The following POSTN variants were observed in gnomAD, a reference collection of about 807,000 sequenced individuals.
POSTN encodes osteoblast specific factor 2 (fasciclin I-like).
Under a neutral mutation model 104.5 loss-of-function variants are expected in POSTN, and 71 were observed. That is an observed-to-expected ratio of 0.68 (90% CI 0.56 to 0.83). The LOEUF (loss-of-function observed/expected upper bound fraction) is 0.83, where lower values mean the gene tolerates loss of function less well. Among genes scored for constraint, POSTN ranks in the 40% least tolerant of loss-of-function variants. The pLI is 0.00. For synonymous variants in POSTN, 355 were observed against 340.7 expected (o/e 1.04, Z -0.46); for missense variants, 949 against 1,006.8 (o/e 0.94, Z 0.78).
chr13:37,582,123 T>A (rs1425938877), intron 10 of POSTN, among the ~76,000 whole-genome samples: 2 of 152,224 alleles, frequency 1.3e-5, no homozygotes, highest in Admixed American at 1.3e-4. Context: ...AAATAATTGA[T>A]GCTCTAGAAT....
In POSTN at chr13:37,563,915, A is replaced by T. The variant is rs1365849756; in HGVS notation, c.2474-545T>A. On this transcript the variant is annotated intron_variant, in intron 22 of 22. Coordinates refer to ENST00000379747, the MANE Select transcript of POSTN (RefSeq NM_006475.3). ...TGCACATAGTGTAATTATGAAATAA[A>T]TTGTAATGCACATGTGATATATACA... Among the ~76,000 whole-genome samples, 9 of 152,036 alleles carry T rather than the reference A, an allele frequency of 5.9e-5. No homozygotes were observed. The East Asian group carries it at 1.7e-3, about 29-fold the overall frequency.
intron 17 of POSTN, 33 bp downstream of exon 17, chr13:37,574,539 A>G (rs780276994): frequency 2.6e-6 from 4 of 1,561,824 alleles, no homozygotes; most frequent in African/African-American, 2.8e-5. Context: ...TGTTTTTACT[A>G]TAAAAGGAAC....
chr13:37,594,295 A>T (rs1013055675), intron 2 of POSTN, among the ~76,000 whole-genome samples: 1 of 152,188 alleles, frequency 6.6e-6, no homozygotes, highest in African/African-American at 2.4e-5. Context: ...TTAACAAAAA[A>T]TTATTATTAG....
At chr13:37,570,298 T>C (rs527322098) in intron 19 of POSTN, among the ~76,000 whole-genome samples, 79 of 151,872 alleles carry the variant, frequency 5.2e-4, no homozygotes, top group Admixed American at 1.4e-3. Context: ...TAACAAACAG[T>C]AAAGTGAAAA....
intron 2 of POSTN, among the ~76,000 whole-genome samples, chr13:37,596,970 A>G (rs2138418735): frequency 6.8e-6 from 1 of 148,092 alleles, no homozygotes; most frequent in African/African-American, 2.4e-5. Flanking sequence ...TCCATGTCAC[A>G]TGGATTCAGG....
intron 8 of POSTN, 79 bp downstream of exon 8, chr13:37,584,637 G>T: frequency 8.5e-7 from 1 of 1,181,122 alleles, no homozygotes; most frequent in Admixed American, 2.1e-5. Flanking sequence ...ATTTTTCATG[G>T]ACTTACTCTT....
At position 37,586,907 on chromosome 13, in the gene POSTN, G is replaced by A; in HGVS notation, c.628C>T (p.Arg210Ter). The change falls in exon 6 of 23, where the codon CGA becomes TGA. Residue 210 changes from arginine to a stop codon, truncating the protein, a stop_gained. Coordinates refer to ENST00000379747, the MANE Select transcript of POSTN (RefSeq NM_006475.3). LOFTEE classifies it high-confidence loss of function. The part of the protein sequence containing the change: ...PNGVVTVNCA[R>*]IIHGNQIATN... ...GCAATCTGGTTCCCATGGATGATTC[G>A]AGCACAATTAACAGTGACAACCTAT... is the stretch of plus-strand genomic sequence containing the variant. 2.5e-6 allele frequency: 4 copies of A among 1,613,204 alleles called. No homozygotes were observed. The highest frequency in any genetic ancestry group is 2.2e-5 in the East Asian group (1 of 44,812).
chr13:37,566,051 C>A (rs1262691573), intron 21 of POSTN, among the ~76,000 whole-genome samples: 1 of 152,088 alleles, frequency 6.6e-6, no homozygotes, highest in Non-Finnish European at 1.5e-5. Flanking sequence ...TTGATAGCAT[C>A]CAATTAATGA....
chr13:37,574,516 G>A, intron 17 of POSTN, 56 bp downstream of exon 17: 2 of 1,528,650 alleles, frequency 1.3e-6, no homozygotes, highest in East Asian at 2.4e-5. Context: ...ATAGAGATCA[G>A]TATTTTTACA....
intron 5 of POSTN, 71 bp downstream of exon 5, chr13:37,587,751 T>C: frequency 8.4e-7 from 1 of 1,189,488 alleles, no homozygotes; most frequent in Non-Finnish European, 1.2e-6. Context: ...TTTGTGAGCA[T>C]TATATAAAAA....
chr13:37,563,315 T>C lies in POSTN; in HGVS notation c.*18A>G, dbSNP rs1949985531. 6.4e-7 allele frequency: 1 copy of C among 1,567,422 alleles called. No homozygotes were observed. The highest frequency in any genetic ancestry group is 8.8e-7 in the Non-Finnish European group (1 of 1,142,708). Reference sequence around the variant, plus strand: ...TGACTTAGGGTTGTATAAACATTTTTTTCTGGTTTTTGGATTTTCACTGAG... The same window carrying C: ...TGACTTAGGGTTGTATAAACATTTTCTTCTGGTTTTTGGATTTTCACTGAG... On this transcript the variant is annotated 3_prime_UTR_variant, in exon 23 of 23. Transcript: ENST00000379747.
rs959181368 is a variant in POSTN, at chr13:37,579,413, A to T, written c.1661-54T>A. 1.8e-5 allele frequency: 25 copies of T among 1,386,116 alleles called. No homozygotes were observed. The Admixed American group carries it at 5.1e-4, about 28-fold the overall frequency. The allele number at this position is 1,386,116 out of a possible 1,614,324, so 85.9% of individuals were successfully genotyped here. On this transcript the variant is annotated intron_variant, in intron 12 of 22. Coordinates refer to ENST00000379747, the MANE Select transcript of POSTN (RefSeq NM_006475.3). ...TGAATAATATGACTTTTTGATAAGG[A>T]CTAAGAAACAAAACACTTATTAGTC...
intron 2 of POSTN, among the ~76,000 whole-genome samples, chr13:37,592,645 G>A (rs773222878): frequency 5.3e-5 from 8 of 152,102 alleles, no homozygotes; most frequent in Non-Finnish European, 1.0e-4. Context: ...ACAGTCTCAT[G>A]TTACTATAGA....
At chr13:37,595,519 G>A (rs1951059213) in intron 2 of POSTN, among the ~76,000 whole-genome samples, 1 of 152,196 alleles carries the variant, frequency 6.6e-6, no homozygotes, top group Non-Finnish European at 1.5e-5. Context: ...ACCATGTGGA[G>A]ATGCAACCCA....
chr13:37,586,105 G>A (rs1387887433), intron 7 of POSTN, 34 bp downstream of exon 7: 7 of 1,563,012 alleles, frequency 4.5e-6, no homozygotes, highest in East Asian at 2.3e-5. Context: ...TCAGAATGCT[G>A]GGAGACTCCT....
chr13:37,571,857 T>A (rs1251833447), intron 17 of POSTN, among the ~76,000 whole-genome samples: 3 of 151,626 alleles, frequency 2.0e-5, no homozygotes, highest in Non-Finnish European at 3.0e-5. Flanking sequence ...TGTCTATTAC[T>A]TTTTCCTTAT....
chr13:37,582,520 A>T lies in POSTN; in HGVS notation c.1244-6T>A, dbSNP rs1950624536. The T allele has an allele frequency of 6.3e-7, 1 of 1,587,106 alleles. No individual in the cohort carries two copies. Among genetic ancestry groups the T allele is most frequent in the Non-Finnish European group, 8.5e-7 (1 of 1,170,234 alleles). ...ATCCATGCTGAGAGTATCATCTGTAAATAAATTCATTAAGAAAGAGCATTA... is the reference window on the plus strand; with the variant it reads ...ATCCATGCTGAGAGTATCATCTGTATATAAATTCATTAAGAAAGAGCATTA... On this transcript the variant is annotated splice_polypyrimidine_tract_variant and splice_region_variant and intron_variant, in intron 9 of 22. Coordinates refer to ENST00000379747, the MANE Select transcript of POSTN (RefSeq NM_006475.3).
intron 17 of POSTN, 44 bp downstream of exon 17, chr13:37,574,528 A>T: frequency 6.5e-7 from 1 of 1,546,768 alleles, no homozygotes; most frequent in South Asian, 1.2e-5. Flanking sequence ...ATTTTTACAG[A>T]TGTTTTTACT....
At chr13:37,591,225 G>T (rs1168867663) in intron 3 of POSTN, among the ~76,000 whole-genome samples, 11 of 151,980 alleles carry the variant, frequency 7.2e-5, no homozygotes, top group Admixed American at 7.2e-4. Flanking sequence ...AATTTAACAA[G>T]GTTCCATGTA....
Sources: allele counts gnomAD v4.1 joint callset (sites outside exome capture counted in the v4.1 genomes callset), GRCh38; gene constraint gnomAD v4.1.1; transcripts MANE v1.5; gene names NCBI Gene and HGNC (gene_info 2026-07-23, HGNC 2026-07-21).